The following TENM1 variants were observed in gnomAD, a reference collection of about 807,000 sequenced individuals.
TENM1 encodes the protein teneurin-1.
Under a neutral mutation model 174.8 loss-of-function variants are expected in TENM1, and 35 were observed. The ratio of observed to expected loss-of-function variants is 0.20; its 90% CI spans 0.15 to 0.27. The LOEUF is 0.27. Among genes scored for constraint, TENM1 ranks in the 10% least tolerant of loss-of-function variants. The probability of loss-of-function intolerance (pLI) is 1.00; values close to 1 mark genes in which losing one functional copy is unlikely to be tolerated. For missense variants in TENM1, 1,633 were observed against 2,130.1 expected, an observed-to-expected ratio of 0.77 and a Z score of 4.59; for synonymous variants, 781 against 798.7, an observed-to-expected ratio of 0.98 and a Z score of 0.37.
At chrX:124,784,208 A>G (rs2054984737) in intron 3 of TENM1, among the ~76,000 whole-genome samples, 1 of 112,086 alleles carries the variant, frequency 8.9e-6, no homozygotes. Flanking sequence ...TTCTCAAGAG[A>G]AAAGACAACC....
intron 3 of TENM1, among the ~76,000 whole-genome samples, chrX:124,761,121 G>A (rs1194847113): frequency 9.0e-6 from 1 of 111,512 alleles, no homozygotes; most frequent in Non-Finnish European, 1.9e-5. Context: ...TTCAACCATT[G>A]TGGAAAACTG....
chrX:124,909,923 G>A (rs536450451), intron 1 of TENM1, among the ~76,000 whole-genome samples: 1 of 112,040 alleles, frequency 8.9e-6, no homozygotes, highest in African/African-American at 3.2e-5. Flanking sequence ...AAATTTTGGG[G>A]GCAGTTCCTG....
intron 8 of TENM1, 36 bp from the exon 12 acceptor site, chrX:124,646,846 G>A (rs369471758): frequency 1.8e-4 from 175 of 959,009 alleles, no homozygotes; most frequent in Middle Eastern, 1.1e-3. Context: ...AAAAATGAAC[G>A]CATCTCCAGG....
At chrX:124,810,510 C>T (rs185168471) in intron 3 of TENM1, among the ~76,000 whole-genome samples, 2 of 111,124 alleles carry the variant, frequency 1.8e-5, no homozygotes, top group African/African-American at 6.5e-5. Flanking sequence ...GAAAGATCTC[C>T]ACAATGAAAA....
chrX:125,103,996 AAAAAT>A, the TENM1 span, among the ~76,000 whole-genome samples: 3 of 112,293 alleles, frequency 2.7e-5, no homozygotes, highest in African/African-American at 9.7e-5. Flanking sequence ...ATAAGAAAAA[AAAAAT>A]AAAAGACTTA....
intron 3 of TENM1, among the ~76,000 whole-genome samples, chrX:124,818,702 T>A (rs775416003): frequency 8.9e-5 from 10 of 111,991 alleles, no homozygotes; most frequent in Non-Finnish European, 1.9e-4. Context: ...TTACATGAAC[T>A]GTTTTATGTA....
At chrX:124,477,749 C>CAAAAAA (rs58693858) in intron 22 of TENM1, among the ~76,000 whole-genome samples, 1 of 45,139 alleles carries the variant, frequency 2.2e-5, no homozygotes, top group African/African-American at 6.7e-5. Flanking sequence ...GACTTCGTCT[C>CAAAAAA]AAAAAAAAAA....
chrX:124,573,078 G>T (rs899533949), intron 11 of TENM1, among the ~76,000 whole-genome samples: 2 of 111,409 alleles, frequency 1.8e-5, no homozygotes, highest in Non-Finnish European at 3.8e-5. Context: ...ACTAGGGGGT[G>T]TGTATGTCTG....
intron 5 of TENM1, among the ~76,000 whole-genome samples, chrX:124,695,452 G>T (rs2052626191): frequency 9.0e-6 from 1 of 111,191 alleles, no homozygotes; most frequent in South Asian, 3.8e-4. Context: ...CGCAAAGGGA[G>T]ATTGAGACTA....
At chrX:124,435,032 G>C (rs1019650996) in intron 23 of TENM1, among the ~76,000 whole-genome samples, 1 of 111,420 alleles carries the variant, frequency 9.0e-6, no homozygotes, top group Non-Finnish European at 1.9e-5. Context: ...CAGAAGGAGA[G>C]GCAATCAGAG....
intron 3 of TENM1, among the ~76,000 whole-genome samples, chrX:124,855,343 T>G (rs1016974920): frequency 1.8e-5 from 2 of 111,404 alleles, no homozygotes; most frequent in African/African-American, 6.5e-5. Flanking sequence ...AATTATCTAT[T>G]TACAAAGTAT....
chrX:125,187,094 C>G, the TENM1 span, among the ~76,000 whole-genome samples: 8 of 111,610 alleles, frequency 7.2e-5, no homozygotes, highest in Non-Finnish European at 1.5e-4. Flanking sequence ...AACCCGGTCT[C>G]TATTAAAAAG....
At chrX:125,013,221 T>C in the TENM1 span, among the ~76,000 whole-genome samples, 1 of 111,809 alleles carries the variant, frequency 8.9e-6, no homozygotes, top group Non-Finnish European at 1.9e-5. Flanking sequence ...GAGAAGACTA[T>C]ACTGATTGTC....
chrX:124,888,552 C>G (rs1269697688), intron 3 of TENM1, among the ~76,000 whole-genome samples: 1 of 111,684 alleles, frequency 9.0e-6, no homozygotes, highest in Non-Finnish European at 1.9e-5. Context: ...TAAAATAAGA[C>G]AAGTGCAAGG....
chrX:124,721,218 C>T (rs1334581806), intron 4 of TENM1, among the ~76,000 whole-genome samples: 1 of 111,344 alleles, frequency 9.0e-6, no homozygotes, highest in Non-Finnish European at 1.9e-5. Flanking sequence ...TCACACGGGG[C>T]CATTAAAAAT....
At chrX:124,929,914 G>A (rs1295070633) in intron 1 of TENM1, among the ~76,000 whole-genome samples, 1 of 111,870 alleles carries the variant, frequency 8.9e-6, no homozygotes, top group Non-Finnish European at 1.9e-5. Context: ...TAAGGTTTCA[G>A]AGAAAAATAT....
chrX:124,623,238 T>C (rs973964207), intron 11 of TENM1, among the ~76,000 whole-genome samples: 2 of 109,265 alleles, frequency 1.8e-5, no homozygotes, highest in Non-Finnish European at 3.8e-5. Flanking sequence ...ACAGTGTGTG[T>C]ATATGTGTGA....
chrX:124,551,525 C>A (rs2048570689), intron 14 of TENM1, among the ~76,000 whole-genome samples: 1 of 92,473 alleles, frequency 1.1e-5, no homozygotes, highest in Non-Finnish European at 2.1e-5. Flanking sequence ...AACACACACA[C>A]ACCCACACAC....
chrX:124,592,453 T>C (rs1429879616), intron 11 of TENM1, among the ~76,000 whole-genome samples: 1 of 89,227 alleles, frequency 1.1e-5, no homozygotes, highest in African/African-American at 4.7e-5. Context: ...TTTTTTTTTT[T>C]GAGACAGAGT....
Sources: allele counts gnomAD v4.1 joint callset (sites outside exome capture counted in the v4.1 genomes callset), GRCh38; gene constraint gnomAD v4.1.1; transcripts MANE v1.5; gene names NCBI Gene and HGNC (gene_info 2026-07-23, HGNC 2026-07-21).